The following TARDBP variants were observed in gnomAD, a reference collection of about 807,000 sequenced individuals.
TARDBP encodes TAR DNA binding protein, also known as TAR DNA-binding protein 43.
Under a neutral mutation model 38.3 loss-of-function variants are expected in TARDBP, and 4 were observed. The ratio of observed to expected loss-of-function variants is 0.10; its 90% CI spans 0.05 to 0.24. The LOEUF (loss-of-function observed/expected upper bound fraction) is 0.24. Among genes scored for constraint, TARDBP ranks in the 10% least tolerant of loss-of-function variants. TARDBP has a pLI of 1.00. For missense variants in TARDBP, 202 were observed against 521.9 expected, an observed-to-expected ratio of 0.39 and a Z score of 5.97; for synonymous variants, 184 against 183.8, an observed-to-expected ratio of 1.00 and a Z score of -0.01.
At chr1:11,017,722 A>C (rs1030336986) in intron 3 of TARDBP, among the ~76,000 whole-genome samples, 1 of 152,140 alleles carries the variant, frequency 6.6e-6, no homozygotes, top group Admixed American at 6.6e-5. Flanking sequence ...TGTAAACATT[A>C]AATTTAGTTT....
rs998379166 is a variant in TARDBP at position 11,022,414 on chromosome 1, T to G, written c.1005T>G (p.Gly335=). Residue 335 remains glycine, a synonymous_variant, in exon 6 of 6, where the codon GGT becomes GGG. Coordinates refer to ENST00000240185, the MANE Select transcript of TARDBP (RefSeq NM_007375.4). This position sits in a 1 kb window ranked among gnomAD's most constrained non-coding sequence, Gnocchi z 4.5. Reference sequence around the variant, plus strand: ...AGGCAGCACTACAGAGCAGTTGGGGTATGATGGGCATGTTAGCCAGCCAGC... The same window carrying G: ...AGGCAGCACTACAGAGCAGTTGGGGGATGATGGGCATGTTAGCCAGCCAGC... The part of the protein sequence containing the change: ...AAQAALQSSW[G]MMGMLASQQN... 1 of 1,613,788 alleles carries G rather than the reference T, an allele frequency of 6.2e-7. No individual in the cohort carries two copies. Among genetic ancestry groups the G allele is most frequent in the African/African-American group, 1.3e-5 (1 of 74,882 alleles).
In TARDBP at chr1:11,018,496, T is replaced by C; in HGVS notation, c.403-237T>C. 3 of 561,376 alleles carry C rather than the reference T, an allele frequency of 5.3e-6. 1 individual carries two copies. Among genetic ancestry groups the C allele is most frequent in the Non-Finnish European group, 9.3e-6 (3 of 320,878 alleles). The allele number at this position is 561,376 out of a possible 1,614,324, so 34.8% of individuals were successfully genotyped here. A position where few individuals can be genotyped will look rare whatever the true frequency, so the allele number is the denominator to read the frequency against. ...GAGCCACCGCGCCTGGCCCCATCTCTCTTTTTTAAAAAACTCAAAAACATT... is the reference window on the plus strand; with the variant it reads ...GAGCCACCGCGCCTGGCCCCATCTCCCTTTTTTAAAAAACTCAAAAACATT... On this transcript the variant is annotated intron_variant, in intron 3 of 5. Transcript: ENST00000240185.
intron 4 of TARDBP, among the ~76,000 whole-genome samples, chr1:11,019,827 A>G (rs1427357970): frequency 6.6e-6 from 1 of 150,954 alleles, no homozygotes; most frequent in Non-Finnish European, 1.5e-5. Flanking sequence ...CGGGCTCCCA[A>G]AGTGCTGGGA....
chr1:11,029,221 C>T (rs374739199), downstream of TARDBP, among the ~76,000 whole-genome samples: 166 of 150,964 alleles, frequency 1.1e-3, no homozygotes, highest in African/African-American at 3.9e-3. Context: ...AAGATGGTCT[C>T]GATCTCCTGA....
At chr1:11,013,262 C>T (rs1434915637) in intron 1 of TARDBP, among the ~76,000 whole-genome samples, 2 of 152,260 alleles carry the variant, frequency 1.3e-5, no homozygotes, top group East Asian at 1.9e-4. Context: ...CATATTCAGT[C>T]TTCAGGTTCA....
At position 11,022,266 on chromosome 1, in the gene TARDBP, A is replaced by G; in HGVS notation, c.857A>G (p.Gln286Arg). The G allele has an allele frequency of 6.2e-7, 1 of 1,613,992 alleles. No individual in the cohort carries two copies. Among genetic ancestry groups the G allele is most frequent in the Non-Finnish European group, 8.5e-7 (1 of 1,179,870 alleles). ...GGTAATCCAGGTGGCTTTGGGAATC[A>G]GGGTGGATTTGGTAATAGCAGAGGG... The part of the protein sequence containing the change: ...FGGNPGGFGN[Q>R]GGFGNSRGGG... The change falls in exon 6 of 6, where the codon CAG (glutamine) becomes CGG (arginine). Residue 286 changes from glutamine (Q) to arginine (R), a missense_variant. Gln to Arg is a conservative substitution (Grantham distance 43). This residue lies in a region of TARDBP where 107 missense variants were observed against 190.5 expected (regional missense o/e 0.56). Coordinates refer to ENST00000240185, the MANE Select transcript of TARDBP (RefSeq NM_007375.4). This position sits in a 1 kb window ranked among gnomAD's most constrained non-coding sequence, Gnocchi z 4.5.
downstream of TARDBP, chr1:11,030,071 C>CT (rs1275723582): frequency 3.0e-5 from 23 of 760,152 alleles, no homozygotes; most frequent in Non-Finnish European, 5.1e-5. Flanking sequence ...GAGCCAAGTG[C>CT]TGAAGTTACA....
downstream of TARDBP, chr1:11,030,332 G>A (rs1356473796): frequency 1.0e-6 from 1 of 956,050 alleles, no homozygotes; most frequent in Non-Finnish European, 1.6e-6. Flanking sequence ...CTTGAAAAAT[G>A]TTGATTCTTG....
chr1:11,026,989 C>G, downstream of TARDBP: 1 of 1,594,344 alleles, frequency 6.3e-7, no homozygotes, highest in Non-Finnish European at 8.5e-7. Context: ...CCCCAGGACA[C>G]TATTCCTCCC....
chr1:11,015,242 T>G (rs566163923), intron 2 of TARDBP, among the ~76,000 whole-genome samples: 1 of 151,974 alleles, frequency 6.6e-6, no homozygotes, highest in African/African-American at 2.4e-5. Flanking sequence ...TCCCAGCACT[T>G]TGGGAGGCTG....
At chr1:11,013,497 A>G (rs1277159724) in intron 1 of TARDBP, among the ~76,000 whole-genome samples, 2 of 152,206 alleles carry the variant, frequency 1.3e-5, no homozygotes, top group African/African-American at 2.4e-5. Context: ...CTTCAGGGAA[A>G]GTTTTTTGAA....
chr1:11,028,203 G>A (rs1157473221), downstream of TARDBP, among the ~76,000 whole-genome samples: 1 of 151,754 alleles, frequency 6.6e-6, no homozygotes, highest in Non-Finnish European at 1.5e-5. Context: ...CCTGGTAAGA[G>A]CAAAACTCCA....
intron 2 of TARDBP, chr1:11,016,198 C>G (rs1643521444): frequency 6.5e-6 from 1 of 152,820 alleles, no homozygotes; most frequent in South Asian, 2.1e-4. Context: ...CTCAGACTCC[C>G]AAAGTGCTGG....
At chr1:11,017,266 C>T (rs539501262) in intron 3 of TARDBP, among the ~76,000 whole-genome samples, 10 of 149,880 alleles carry the variant, frequency 6.7e-5, no homozygotes, top group South Asian at 2.1e-4. Context: ...TGCAGTGGCA[C>T]GATCTTGGCT....
At position 11,022,499 on chromosome 1, in the gene TARDBP, A is replaced by G. The variant is rs1643660260; in HGVS notation, c.1090A>G (p.Asn364Asp). Residue 364 changes from asparagine to aspartate, a missense_variant, in exon 6 of 6, where the codon AAC becomes GAC. Physicochemically the swap from Asn to Asp is conservative, Grantham distance 23. Around this residue, in one of 5 missense-constraint regions of TARDBP, gnomAD observed 107 missense variants for 190.5 expected, o/e 0.56. Transcript: ENST00000240185. This position sits in a 1 kb window ranked among gnomAD's most constrained non-coding sequence, Gnocchi z 4.5. Reference protein sequence around the residue: ...QNQGNMQREPNQAFGSGNNSY... With the variant: ...QNQGNMQREPDQAFGSGNNSY... ...CCAAGGCAACATGCAGAGGGAGCCA[A>G]ACCAGGCCTTCGGTTCTGGAAATAA... 3.1e-6 allele frequency: 5 copies of G among 1,601,820 alleles called. No individual in the cohort carries two copies. Among genetic ancestry groups the G allele is most frequent in the Non-Finnish European group, 3.4e-6 (4 of 1,171,276 alleles).
At position 11,024,431 on chromosome 1, in the gene TARDBP, C is replaced by T. The variant is rs573662295; in HGVS notation, c.*1777C>T. 2.9e-4 allele frequency: 44 copies of T among 152,552 alleles called. No individual in the cohort carries two copies. Among genetic ancestry groups the T allele is most frequent in the African/African-American group, 9.9e-4 (41 of 41,474 alleles). The allele number at this position is 152,552 out of a possible 1,614,324, so 9.4% of individuals were successfully genotyped here. On this transcript the variant is annotated 3_prime_UTR_variant, in exon 6 of 6. Coordinates refer to ENST00000240185, the MANE Select transcript of TARDBP (RefSeq NM_007375.4). ...TGTAAATCTCCATTGGGAAGTCATGCCTTCTAAAAAGATTCTTATTTGGGG... is the reference window on the plus strand; with the variant it reads ...TGTAAATCTCCATTGGGAAGTCATGTCTTCTAAAAAGATTCTTATTTGGGG...
In TARDBP at chr1:11,022,081, C is replaced by G; in HGVS notation, c.715-43C>G. On this transcript the variant is annotated intron_variant, in intron 5 of 5. Coordinates refer to ENST00000240185, the MANE Select transcript of TARDBP (RefSeq NM_007375.4). This position sits in a 1 kb window ranked among gnomAD's most constrained non-coding sequence, Gnocchi z 4.5. Reference sequence around the variant, plus strand: ...TTGTTGCTACTTTAAATATATGAATCAGTGGTTTAATCTTCTTTGTTTACA... The same window carrying G: ...TTGTTGCTACTTTAAATATATGAATGAGTGGTTTAATCTTCTTTGTTTACA... 1 of 1,607,984 alleles carries G rather than the reference C, an allele frequency of 6.2e-7. No individual in the cohort carries two copies.
In TARDBP at chr1:11,025,459, A is replaced by T. The variant is rs191706916; in HGVS notation, c.*2805A>T. On this transcript the variant is annotated 3_prime_UTR_variant, in exon 6 of 6. Coordinates refer to ENST00000240185, the MANE Select transcript of TARDBP (RefSeq NM_007375.4). ...TGCATTCATTCTAAAAAATTTTTTGAACCAGATAAATAAAATTTTTTTTTG... is the reference window on the plus strand; with the variant it reads ...TGCATTCATTCTAAAAAATTTTTTGTACCAGATAAATAAAATTTTTTTTTG... 1 of 152,306 alleles carries T rather than the reference A, an allele frequency of 6.6e-6. No homozygotes were observed. The highest frequency in any genetic ancestry group is 1.9e-4 in the East Asian group (1 of 5,190). 9.4% of individuals were successfully genotyped at this position (152,306 alleles called of 1,614,324 possible).
At position 11,022,008 on chromosome 1, in the gene TARDBP, C is replaced by T. The variant is rs1200965303; in HGVS notation, c.715-116C>T. The T allele has an allele frequency of 4.9e-6, 6 of 1,234,050 alleles. No homozygotes were observed. The highest frequency in any genetic ancestry group is 7.0e-6 in the Non-Finnish European group (6 of 855,956). 76.4% of individuals were successfully genotyped at this position (1,234,050 alleles called of 1,614,324 possible). A position where few individuals can be genotyped will look rare whatever the true frequency, so the allele number is the denominator to read the frequency against. On this transcript the variant is annotated intron_variant, in intron 5 of 5. Coordinates refer to ENST00000240185, the MANE Select transcript of TARDBP (RefSeq NM_007375.4). The surrounding 1 kb of genome is among the most constrained non-coding windows in gnomAD (Gnocchi z 4.5). Reference sequence around the variant, plus strand: ...GTTTAAATGAAATGAGTGTTCATTGCTTATTTTTCCTCTGGCTTTAGATAA... The same window carrying T: ...GTTTAAATGAAATGAGTGTTCATTGTTTATTTTTCCTCTGGCTTTAGATAA...
Sources: allele counts gnomAD v4.1 joint callset (sites outside exome capture counted in the v4.1 genomes callset), GRCh38; gene constraint gnomAD v4.1.1; regional missense constraint gnomAD v4.1.1; non-coding constraint Gnocchi (gnomAD v3.1); transcripts MANE v1.5; gene names NCBI Gene and HGNC (gene_info 2026-07-23, HGNC 2026-07-21).